The following CALN1 variants were observed in gnomAD, a reference collection of about 807,000 sequenced individuals.
CALN1 encodes the protein calcium-binding protein 8.
A neutral mutation model predicts 30.6 loss-of-function variants in CALN1; 17 were observed. The ratio of observed to expected loss-of-function variants is 0.56; its 90% CI spans 0.38 to 0.83. The LOEUF is 0.83. Ranked by LOEUF, CALN1 falls within the 40% of genes least tolerant of loss-of-function variation. CALN1 has a pLI of 0.00. For synonymous variants in CALN1, 156 were observed against 131.4 expected, an observed-to-expected ratio of 1.19 and a Z score of -1.28; for missense variants, 291 against 354.9, an observed-to-expected ratio of 0.82 and a Z score of 1.45.
chr7:71,963,642 T>TC (rs1348906412), intron 5 of CALN1, among the ~76,000 whole-genome samples: 1 of 152,156 alleles, frequency 6.6e-6, no homozygotes, highest in Non-Finnish European at 1.5e-5. Context: ...TTATCGTCTC[T>TC]CCTTGGTCCC....
intron 1 of CALN1, among the ~76,000 whole-genome samples, chr7:72,430,352 C>A (rs1227029335): frequency 6.7e-6 from 1 of 148,964 alleles, no homozygotes; most frequent in Non-Finnish European, 1.5e-5. Flanking sequence ...TATATAAATT[C>A]TAAGACCTAG....
intron 3 of CALN1, among the ~76,000 whole-genome samples, chr7:72,140,894 C>G (rs1213822458): frequency 6.6e-6 from 1 of 152,246 alleles, no homozygotes; most frequent in African/African-American, 2.4e-5. Flanking sequence ...GCGCTGGGGC[C>G]TTGCTCTGCA....
intron 3 of CALN1, among the ~76,000 whole-genome samples, chr7:72,123,315 A>G (rs901016566): frequency 6.6e-6 from 1 of 152,192 alleles, no homozygotes; most frequent in Non-Finnish European, 1.5e-5. Flanking sequence ...CCATCTGTCA[A>G]TTAACTCATG....
At chr7:72,432,118 C>T (rs1473724519) in intron 1 of CALN1, among the ~76,000 whole-genome samples, 1 of 152,014 alleles carries the variant, frequency 6.6e-6, no homozygotes, top group Non-Finnish European at 1.5e-5. Flanking sequence ...TGGGAGGGAC[C>T]CAGTGGGAGG....
At chr7:72,011,138 T>TA (rs1311400531) in intron 5 of CALN1, among the ~76,000 whole-genome samples, 2 of 145,622 alleles carry the variant, frequency 1.4e-5, no homozygotes, top group East Asian at 4.0e-4. Context: ...GGCGACAGAG[T>TA]GAGATTCCGT....
At chr7:71,931,814 T>G (rs1159395679) in intron 5 of CALN1, among the ~76,000 whole-genome samples, 1 of 152,160 alleles carries the variant, frequency 6.6e-6, no homozygotes, top group East Asian at 1.9e-4. Context: ...CAATAATCAT[T>G]CTTCTGATTT....
At chr7:72,184,252 T>C (rs113802073) in intron 3 of CALN1, among the ~76,000 whole-genome samples, 14 of 152,324 alleles carry the variant, frequency 9.2e-5, no homozygotes, top group Middle Eastern at 3.4e-3. Context: ...TTATTGACTG[T>C]GGACCCGGAC....
rs11414863 is a variant in CALN1 at position 71,956,491 on chromosome 7, C to CTT, written c.501+67164_501+67165dup. On this transcript the variant is annotated intron_variant, in intron 5 of 6. Coordinates refer to ENST00000395275, the MANE Select transcript of CALN1 (RefSeq NM_031468.4). ...ATTATTATTATTTTTGTTCTGATAA[C>CTT]TTTTTTTTTTTTTTAAACAGAGGGA... Among the ~76,000 whole-genome samples the CTT allele has an allele frequency of 5.7e-3, 804 of 140,986 alleles. 5 individuals carry two copies. The highest frequency in any genetic ancestry group is 0.018 in the African/African-American group (675 of 38,128). 92.5% of individuals were successfully genotyped at this position (140,986 alleles called of 152,430 possible).
chr7:72,418,831 C>T (rs770368762), intron 1 of CALN1, among the ~76,000 whole-genome samples: 1 of 152,034 alleles, frequency 6.6e-6, no homozygotes, highest in Non-Finnish European at 1.5e-5. Flanking sequence ...AGCAACATGG[C>T]GAGACCCCGT....
rs1205938690 is a variant in CALN1 at position 72,403,291 on chromosome 7, C to T, written c.79G>A (p.Glu27Lys). 1.0e-5 allele frequency: 16 copies of T among 1,550,488 alleles called. No homozygotes were observed. Among genetic ancestry groups the T allele is most frequent in the African/African-American group, 6.8e-5 (5 of 73,098 alleles). Residue 27 changes from glutamate (E) to lysine (K), a missense_variant, in exon 2 of 7, where the codon GAG becomes AAG. Transcript: ENST00000395275. ...KGDGGALGGG[E>K]EPPRSQAPDF... ...GGGGCCTGGCTCCTCGGCGGCTCCT[C>T]TCCCCCTCCGAGGGCTCCTCCGTCC... is the stretch of plus-strand genomic sequence containing the variant.
chr7:72,402,158 G>C (rs1325461201), intron 2 of CALN1, among the ~76,000 whole-genome samples: 1 of 152,160 alleles, frequency 6.6e-6, no homozygotes, highest in Non-Finnish European at 1.5e-5. Context: ...GGCTAAGAGA[G>C]TGGCTTCCCC....
chr7:72,348,513 A>G (rs182594366), intron 2 of CALN1, among the ~76,000 whole-genome samples: 1 of 152,236 alleles, frequency 6.6e-6, no homozygotes, highest in Non-Finnish European at 1.5e-5. Flanking sequence ...TTAAGTTCCT[A>G]GTTGACAACT....
At chr7:72,456,196 AAGAG>A in the CALN1 span, among the ~76,000 whole-genome samples, 1,295 of 150,098 alleles carry the variant, frequency 8.6e-3, 25 homozygotes, top group African/African-American at 0.031. Flanking sequence ...AAAAAAAAAA[AAGAG>A]AGAGAGAGAG....
At chr7:71,851,984 G>A (rs1163029952) in intron 5 of CALN1, among the ~76,000 whole-genome samples, 2 of 152,080 alleles carry the variant, frequency 1.3e-5, no homozygotes, top group Non-Finnish European at 1.5e-5. Flanking sequence ...CAGAACCCGA[G>A]GGACAGGAGG....
chr7:72,411,527 T>C (rs1021720730), intron 1 of CALN1, among the ~76,000 whole-genome samples: 5 of 152,236 alleles, frequency 3.3e-5, no homozygotes, highest in African/African-American at 1.2e-4. Context: ...TATGGACGTA[T>C]CAGTTGTGTC....
chr7:72,298,725 G>A (rs1799035526), intron 2 of CALN1, among the ~76,000 whole-genome samples: 1 of 151,636 alleles, frequency 6.6e-6, no homozygotes, highest in African/African-American at 2.4e-5. Context: ...CCTGGTGGGA[G>A]GTGACTGAAT....
chr7:71,888,700 G>T (rs1793065397), intron 5 of CALN1, among the ~76,000 whole-genome samples: 1 of 152,004 alleles, frequency 6.6e-6, no homozygotes, highest in African/African-American at 2.4e-5. Context: ...GGGTAGGTCG[G>T]TGGTTAACAA....
intron 2 of CALN1, among the ~76,000 whole-genome samples, chr7:72,401,021 C>A (rs1806301386): frequency 6.6e-6 from 1 of 152,154 alleles, no homozygotes; most frequent in Admixed American, 6.5e-5. Context: ...ACAGTGGTGG[C>A]TCTCTTTTGA....
chr7:71,929,268 C>T (rs1439898662), intron 5 of CALN1, among the ~76,000 whole-genome samples: 1 of 152,134 alleles, frequency 6.6e-6, no homozygotes. Context: ...CTTCCTGATG[C>T]CCTCCCTCCT....
Sources: allele counts gnomAD v4.1 joint callset (sites outside exome capture counted in the v4.1 genomes callset), GRCh38; gene constraint gnomAD v4.1.1; transcripts MANE v1.5; gene names NCBI Gene and HGNC (gene_info 2026-07-23, HGNC 2026-07-21).